Variants in LRRC4C observed in about 807,000 individuals in gnomAD.
LRRC4C encodes the protein leucine-rich repeat-containing protein 4C.
In LRRC4C, 5 loss-of-function variants were observed where a neutral mutation model predicts 33.6. The ratio of observed to expected loss-of-function variants is 0.15; its 90% CI spans 0.08 to 0.31. The LOEUF is 0.31. Among genes scored for constraint, LRRC4C ranks in the 10% least tolerant of loss-of-function variants. The pLI, the probability that LRRC4C is intolerant of heterozygous loss-of-function variation, is 1.00. For synonymous variants in LRRC4C, 329 were observed against 302.0 expected, an observed-to-expected ratio of 1.09 and a Z score of -0.93; for missense variants, 560 against 796.7, an observed-to-expected ratio of 0.70 and a Z score of 3.58.
intron 2 of LRRC4C, among the ~76,000 whole-genome samples, chr11:40,754,977 C>T (rs1948875097): frequency 6.6e-6 from 1 of 152,088 alleles, no homozygotes; most frequent in Admixed American, 6.6e-5. Flanking sequence ...CTCACACATG[C>T]TTAAAATGTT....
At chr11:41,269,639 C>G (rs1949260088) in intron 1 of LRRC4C, among the ~76,000 whole-genome samples, 1 of 151,986 alleles carries the variant, frequency 6.6e-6, no homozygotes, top group Non-Finnish European at 1.5e-5. Flanking sequence ...TCTCTGGTGC[C>G]AATTGTGGGA....
intron 1 of LRRC4C, among the ~76,000 whole-genome samples, chr11:41,275,382 C>A (rs991619716): frequency 2.6e-5 from 4 of 152,086 alleles, no homozygotes; most frequent in Middle Eastern, 6.3e-3. Context: ...CTAAATGGAA[C>A]TTTTTGCAAC....
intron 5 of LRRC4C, among the ~76,000 whole-genome samples, chr11:40,147,858 G>T (rs536532449): frequency 1.3e-5 from 2 of 152,004 alleles, no homozygotes; most frequent in Non-Finnish European, 2.9e-5. Context: ...ATTTAGCCTA[G>T]TATTCATTAG....
At chr11:40,611,090 A>G (rs1029283943) in intron 3 of LRRC4C, among the ~76,000 whole-genome samples, 1 of 151,964 alleles carries the variant, frequency 6.6e-6, no homozygotes, top group Non-Finnish European at 1.5e-5. Context: ...AAGAAGGTTG[A>G]AAATGGAAGC....
chr11:40,380,401 T>G (rs1449719459), intron 3 of LRRC4C, among the ~76,000 whole-genome samples: 1 of 152,206 alleles, frequency 6.6e-6, no homozygotes, highest in Non-Finnish European at 1.5e-5. Context: ...TCTGGAAAAT[T>G]AAGCTGGGAA....
Position 41,326,262 on chromosome 11 carries a change from G to A in LRRC4C, c.-496+133169C>T, listed in dbSNP as rs536310380. The stretch of plus-strand genomic sequence containing the variant: ...CTTCGTGCCCTTGAACATTGGGCTC[G>A]AAGTTCTTCAGCATTTGGACTTTTG... On this transcript the variant is annotated intron_variant, in intron 1 of 6. Coordinates refer to ENST00000528697, the MANE Select transcript of LRRC4C (RefSeq NM_001258419.2). 5.3e-5 allele frequency among the ~76,000 whole-genome samples: 8 copies of A among 152,274 alleles called. No individual in the cohort carries two copies. In the East Asian group the frequency reaches 7.7e-4, roughly 15 times the overall value.
intron 2 of LRRC4C, among the ~76,000 whole-genome samples, chr11:40,715,831 C>T (rs1005124457): frequency 6.6e-6 from 1 of 152,098 alleles, no homozygotes; most frequent in Non-Finnish European, 1.5e-5. Context: ...TCAAGATCAG[C>T]CTAGCCAAAG....
At chr11:40,966,753 C>T (rs1379634904) in intron 1 of LRRC4C, among the ~76,000 whole-genome samples, 4 of 151,708 alleles carry the variant, frequency 2.6e-5, no homozygotes, top group Non-Finnish European at 5.9e-5. Flanking sequence ...TTCTTTTTTC[C>T]TACCACAATA....
At chr11:40,159,768 C>T (rs1859005486) in intron 5 of LRRC4C, among the ~76,000 whole-genome samples, 1 of 152,174 alleles carries the variant, frequency 6.6e-6, no homozygotes, top group Non-Finnish European at 1.5e-5. Context: ...GTCACTTTTA[C>T]CTCCTTTCCC....
chr11:40,372,929 T>A (rs1307145062), intron 3 of LRRC4C, among the ~76,000 whole-genome samples: 1 of 152,186 alleles, frequency 6.6e-6, no homozygotes, highest in East Asian at 1.9e-4. Context: ...TTGGGATTTT[T>A]TTTTAATTAG....
At chr11:40,120,322 T>A (rs900525230) in intron 6 of LRRC4C, among the ~76,000 whole-genome samples, 1 of 152,200 alleles carries the variant, frequency 6.6e-6, no homozygotes, top group African/African-American at 2.4e-5. Context: ...GTTGGTAGGT[T>A]TCACAACCTA....
intron 2 of LRRC4C, among the ~76,000 whole-genome samples, chr11:40,815,207 T>G (rs887123728): frequency 6.6e-6 from 1 of 152,192 alleles, no homozygotes; most frequent in Non-Finnish European, 1.5e-5. Context: ...AGCGAAGTCA[T>G]GTCTTACATG....
At chr11:40,140,733 C>T (rs1320388006) in intron 6 of LRRC4C, 68 bp downstream of exon 6, 1 of 152,348 alleles carries the variant, frequency 6.6e-6, no homozygotes, top group African/African-American at 2.4e-5. Flanking sequence ...TAACGAGTCA[C>T]TTCACATTAG....
chr11:40,399,300 T>C (rs1190640489), intron 3 of LRRC4C, among the ~76,000 whole-genome samples: 1 of 152,054 alleles, frequency 6.6e-6, no homozygotes, highest in Non-Finnish European at 1.5e-5. Flanking sequence ...CCAACAATGA[T>C]AGACTGGATT....
At chr11:41,114,550 T>C (rs1942017517) in intron 1 of LRRC4C, among the ~76,000 whole-genome samples, 1 of 152,032 alleles carries the variant, frequency 6.6e-6, no homozygotes, top group Non-Finnish European at 1.5e-5. Flanking sequence ...TTAAGTAAAA[T>C]TTAATAGCAC....
Position 40,126,479 on chromosome 11 carries a change from A to G in LRRC4C, c.-42-10145T>C, listed in dbSNP as rs192205259. On this transcript the variant is annotated intron_variant, in intron 6 of 6. Transcript: ENST00000528697. The stretch of plus-strand genomic sequence containing the variant: ...TATAATAAGGATTGTAAGAGAGGTA[A>G]ATTACCTATGTCTTCAAGAACTTTC... Among the ~76,000 whole-genome samples the G allele has an allele frequency of 1.3e-3, 204 of 152,308 alleles. 1 individual carries two copies. The highest frequency in any genetic ancestry group is 2.5e-3 in the Non-Finnish European group (168 of 68,030).
intron 3 of LRRC4C, among the ~76,000 whole-genome samples, chr11:40,437,258 A>G (rs1273457307): frequency 6.6e-6 from 1 of 152,100 alleles, no homozygotes; most frequent in East Asian, 1.9e-4. Flanking sequence ...ACATATACAC[A>G]TTGTAATTGC....
intron 1 of LRRC4C, among the ~76,000 whole-genome samples, chr11:41,237,028 A>C (rs2136511271): frequency 6.6e-6 from 1 of 152,330 alleles, no homozygotes; most frequent in South Asian, 2.1e-4. Context: ...GAGGTATAAA[A>C]ACTACAGTGC....
intron 1 of LRRC4C, among the ~76,000 whole-genome samples, chr11:41,050,952 A>G (rs1466113705): frequency 1.3e-5 from 2 of 152,160 alleles, no homozygotes; most frequent in Non-Finnish European, 2.9e-5. Context: ...CTCTCAGACA[A>G]TGTCTTTCAG....
Sources: allele counts gnomAD v4.1 joint callset (sites outside exome capture counted in the v4.1 genomes callset), GRCh38; gene constraint gnomAD v4.1.1; transcripts MANE v1.5; gene names NCBI Gene and HGNC (gene_info 2026-07-23, HGNC 2026-07-21).